AUTS2: variants seen among roughly 807,000 people sequenced by gnomAD.
AUTS2 encodes the protein activator of transcription and developmental regulator AUTS2.
Under a neutral mutation model 112.4 loss-of-function variants are expected in AUTS2, and 17 were observed. The observed-to-expected ratio is 0.15, with a 90% CI of 0.10 to 0.23. AUTS2 has a LOEUF of 0.23. Among genes scored for constraint, AUTS2 ranks in the 10% least tolerant of loss-of-function variants. The pLI, the probability that AUTS2 is intolerant of heterozygous loss-of-function variation, is 1.00. For synonymous variants in AUTS2, 751 were observed against 702.7 expected (o/e 1.07, Z -1.09); for missense variants, 1,510 against 1,701.6 (o/e 0.89, Z 1.98).
chr7:70,247,037 A>G (rs1026183885), intron 4 of AUTS2, among the ~76,000 whole-genome samples: 2 of 152,118 alleles, frequency 1.3e-5, no homozygotes, highest in African/African-American at 4.8e-5. Flanking sequence ...AATCATTCAT[A>G]GCAGGGACTC....
At chr7:70,706,856 T>G (rs1308773504) in intron 6 of AUTS2, among the ~76,000 whole-genome samples, 1 of 152,224 alleles carries the variant, frequency 6.6e-6, no homozygotes, top group Non-Finnish European at 1.5e-5. Context: ...GGAAGCATGA[T>G]TGCTGTAAAA....
intron 4 of AUTS2, among the ~76,000 whole-genome samples, chr7:70,287,511 A>T (rs915773656): frequency 6.6e-6 from 1 of 152,214 alleles, no homozygotes; most frequent in African/African-American, 2.4e-5. Context: ...TTAAATAAAG[A>T]TTATTCAACT....
chr7:70,511,297 G>A (rs1413291613), intron 5 of AUTS2, among the ~76,000 whole-genome samples: 2 of 151,958 alleles, frequency 1.3e-5, no homozygotes, highest in Non-Finnish European at 2.9e-5. Context: ...ATTTCCAGAC[G>A]AAATCCACCA....
chr7:70,355,567 G>A (rs772843678), intron 4 of AUTS2, among the ~76,000 whole-genome samples: 4 of 152,068 alleles, frequency 2.6e-5, no homozygotes, highest in African/African-American at 4.8e-5. Context: ...TCTCCTGGAC[G>A]CCCATCTCTG....
At chr7:69,957,050 CTT>C (rs759318185) in intron 2 of AUTS2, among the ~76,000 whole-genome samples, 15 of 132,286 alleles carry the variant, frequency 1.1e-4, no homozygotes, top group Admixed American at 3.1e-4. Context: ...TTTGTTCTTT[CTT>C]TTTTTTTTTT....
intron 5 of AUTS2, among the ~76,000 whole-genome samples, chr7:70,476,822 A>G (rs542670992): frequency 6.6e-6 from 1 of 152,362 alleles, no homozygotes; most frequent in South Asian, 2.1e-4. Flanking sequence ...TGTAAAGCAC[A>G]GTGCCTGAGG....
intron 5 of AUTS2, among the ~76,000 whole-genome samples, chr7:70,460,828 C>T (rs567782371): frequency 2.2e-4 from 34 of 152,232 alleles, no homozygotes; most frequent in African/African-American, 7.0e-4. Flanking sequence ...TGTGAGAAAG[C>T]TTGTAAAAAT....
chr7:69,629,235 G>C (rs1156684190), intron 1 of AUTS2, among the ~76,000 whole-genome samples: 1 of 152,230 alleles, frequency 6.6e-6, no homozygotes, highest in Non-Finnish European at 1.5e-5. Flanking sequence ...GTAGCTTGGA[G>C]TGAGACCCAT....
At chr7:70,122,524 G>A (rs2129573534) in intron 3 of AUTS2, among the ~76,000 whole-genome samples, 1 of 151,900 alleles carries the variant, frequency 6.6e-6, no homozygotes, top group East Asian at 1.9e-4. Flanking sequence ...CTGCTTCTTT[G>A]TATGCCTGGC....
chr7:70,110,412 A>G (rs1805008298), intron 2 of AUTS2, among the ~76,000 whole-genome samples: 1 of 152,156 alleles, frequency 6.6e-6, no homozygotes, highest in African/African-American at 2.4e-5. Context: ...GCTACTCGGG[A>G]GGCCAAGGCA....
At chr7:70,343,284 T>C (rs1791353906) in intron 4 of AUTS2, among the ~76,000 whole-genome samples, 1 of 152,252 alleles carries the variant, frequency 6.6e-6, no homozygotes, top group Admixed American at 6.5e-5. Context: ...TGTTATGACC[T>C]ATCTGGTTTC....
chr7:70,460,113 A>C (rs1796901584), intron 5 of AUTS2, among the ~76,000 whole-genome samples: 1 of 152,088 alleles, frequency 6.6e-6, no homozygotes, highest in Non-Finnish European at 1.5e-5. Context: ...CAACTAGTGA[A>C]GTTTAAAACC....
At chr7:70,163,127 C>T (rs1279698586) in intron 4 of AUTS2, among the ~76,000 whole-genome samples, 1 of 151,732 alleles carries the variant, frequency 6.6e-6, no homozygotes, top group Non-Finnish European at 1.5e-5. Context: ...GGTGTGCAGC[C>T]ACCTCATGGC....
At chr7:70,774,588 G>A (rs559354849) in intron 12 of AUTS2, among the ~76,000 whole-genome samples, 2 of 152,166 alleles carry the variant, frequency 1.3e-5, no homozygotes, top group Non-Finnish European at 1.5e-5. Flanking sequence ...GGATCCTTTT[G>A]TACTCTAGAG....
At chr7:70,026,239 C>G (rs537598009) in intron 2 of AUTS2, among the ~76,000 whole-genome samples, 1 of 152,314 alleles carries the variant, frequency 6.6e-6, no homozygotes, top group South Asian at 2.1e-4. Context: ...TGAGCAGACA[C>G]TAGTTCTAAT....
rs150613160 is a variant in AUTS2, at chr7:70,490,445, A to G, written c.690+54664A>G. 2.4e-4 allele frequency among the ~76,000 whole-genome samples: 36 copies of G among 151,786 alleles called. No individual in the cohort carries two copies. In the East Asian group the frequency reaches 6.5e-3, roughly 27 times the overall value. On this transcript the variant is annotated intron_variant, in intron 5 of 18. Transcript: ENST00000342771. Reference sequence around the variant, plus strand: ...TTCTGTGTGGGTTTGTGGGGTGGAGAGAAGGAGTTGCCATAGCAGGCAGGA... The same window carrying G: ...TTCTGTGTGGGTTTGTGGGGTGGAGGGAAGGAGTTGCCATAGCAGGCAGGA...
At chr7:70,723,669 G>A (rs1786832211) in intron 6 of AUTS2, among the ~76,000 whole-genome samples, 1 of 102,644 alleles carries the variant, frequency 9.7e-6, no homozygotes, top group Non-Finnish European at 2.1e-5. Flanking sequence ...ACCTTTCTGA[G>A]TTGTAGAGAA....
intron 5 of AUTS2, among the ~76,000 whole-genome samples, chr7:70,560,237 T>C (rs1326558674): frequency 6.6e-6 from 1 of 152,248 alleles, no homozygotes; most frequent in Non-Finnish European, 1.5e-5. Context: ...CAAATCACTC[T>C]ATCTACTTAT....
At chr7:69,929,452 C>G (rs1796148261) in intron 2 of AUTS2, among the ~76,000 whole-genome samples, 1 of 151,382 alleles carries the variant, frequency 6.6e-6, no homozygotes, top group Non-Finnish European at 1.5e-5. Flanking sequence ...GTTTTTTCCC[C>G]TTCTCTTCTG....
Sources: gnomAD v4.1 joint callset for allele counts (sites outside exome capture counted in the v4.1 genomes callset) on GRCh38, gnomAD v4.1.1 for gene constraint, MANE v1.5 for transcripts, NCBI Gene and HGNC (gene_info 2026-07-23, HGNC 2026-07-21) for gene names.